The following BST1 variants were observed in gnomAD, a reference collection of about 807,000 sequenced individuals.
The protein encoded by BST1 is bone marrow stromal cell antigen 1.
In BST1, 49 loss-of-function variants were observed where a neutral mutation model predicts 40.6. The ratio of observed to expected loss-of-function variants is 1.21; its 90% CI spans 0.96 to 1.53. The LOEUF (loss-of-function observed/expected upper bound fraction) is 1.53, where lower values mean the gene tolerates loss of function less well. Among genes scored for constraint, BST1 ranks in the 40% most tolerant of loss-of-function variants. BST1 has a pLI of 0.00. For missense variants in BST1, 423 were observed against 395.9 expected, an observed-to-expected ratio of 1.07 and a Z score of -0.58; for synonymous variants, 157 against 159.3, an observed-to-expected ratio of 0.99 and a Z score of 0.11.
At chr4:15,772,767 A>C in the BST1 span, among the ~76,000 whole-genome samples, 1 of 152,244 alleles carries the variant, frequency 6.6e-6, no homozygotes, top group Non-Finnish European at 1.5e-5. Flanking sequence ...ATGAAGGGTC[A>C]GTAGGAGTCA....
At chr4:15,717,183 C>T (rs559676972) in intron 6 of BST1, among the ~76,000 whole-genome samples, 1 of 152,138 alleles carries the variant, frequency 6.6e-6, no homozygotes, top group South Asian at 2.1e-4. Flanking sequence ...GTGAGCCTGG[C>T]CCCGAGTAAG....
downstream of BST1, chr4:15,737,689 C>T (rs1370073986): frequency 5.9e-6 from 5 of 851,842 alleles, no homozygotes; most frequent in Non-Finnish European, 3.4e-6. Flanking sequence ...ACTGAGTTCT[C>T]TTTCCTCTCC....
downstream of BST1, among the ~76,000 whole-genome samples, chr4:15,742,926 G>A (rs1169470729): frequency 6.6e-6 from 1 of 152,260 alleles, no homozygotes; most frequent in Non-Finnish European, 1.5e-5. Flanking sequence ...GGCCTGCCCT[G>A]AGATGGCAAC....
At position 15,731,811 on chromosome 4, in the gene BST1, T is replaced by C; in HGVS notation, c.923T>C (p.Leu308Pro). Residue 308 changes from leucine (L) to proline (P), a missense_variant, in exon 9 of 9, where the codon CTC (leucine) becomes CCC (proline). Physicochemically the swap from Leu to Pro is moderately conservative, Grantham distance 98. Coordinates refer to ENST00000265016, the MANE Select transcript of BST1 (RefSeq NM_004334.3). ...CAAAGGGCGGGTCTTATCATTCCCC[T>C]CTTTCTGGTGCTGGCTTCCAGGACT... Reference protein sequence around the residue: ...TEQRAGLIIPLFLVLASRTQL With the variant: ...TEQRAGLIIPPFLVLASRTQL 6.2e-7 allele frequency: 1 copy of C among 1,613,760 alleles called. No individual in the cohort carries two copies. The highest frequency in any genetic ancestry group is 8.5e-7 in the Non-Finnish European group (1 of 1,179,876).
rs1448479918 is a variant in BST1 at position 15,731,869 on chromosome 4, C to T, written c.*24C>T. ...AACTGGAAACTGTGTTGCTCTAACC[C>T]TCCTCCAGCCCTGCAGCCTCCCCTT... On this transcript the variant is annotated 3_prime_UTR_variant, in exon 9 of 9. Coordinates refer to ENST00000265016, the MANE Select transcript of BST1 (RefSeq NM_004334.3). 5.0e-6 allele frequency: 8 copies of T among 1,603,252 alleles called. No individual in the cohort carries two copies. The highest frequency in any genetic ancestry group is 6.8e-6 in the Non-Finnish European group (8 of 1,174,472).
At chr4:15,730,961 C>T in intron 8 of BST1, 1 of 424,082 alleles carries the variant, frequency 2.4e-6, no homozygotes, top group African/African-American at 2.1e-5. Flanking sequence ...TCAAATGTGC[C>T]TTAATATAGG....
intron 3 of BST1, among the ~76,000 whole-genome samples, chr4:15,709,865 C>T (rs1398001928): frequency 6.6e-6 from 1 of 152,124 alleles, no homozygotes; most frequent in Non-Finnish European, 1.5e-5. Context: ...AACACATATA[C>T]ACAATACATC....
intron 4 of BST1, among the ~76,000 whole-genome samples, chr4:15,712,205 A>G (rs1333389800): frequency 2.0e-5 from 3 of 152,214 alleles, no homozygotes; most frequent in South Asian, 4.1e-4. Flanking sequence ...TTTGATTGCT[A>G]CATAAAATGG....
At chr4:15,705,428 T>C in intron 1 of BST1, 87 bp from the exon 2 acceptor site, 24 of 1,438,762 alleles carry the variant, frequency 1.7e-5, no homozygotes, top group South Asian at 2.8e-5. Context: ...GAAAAATCTC[T>C]TGTAAAGCTC....
At chr4:15,723,986 T>C (rs1172661631) in intron 8 of BST1, among the ~76,000 whole-genome samples, 1 of 152,198 alleles carries the variant, frequency 6.6e-6, no homozygotes. Flanking sequence ...ATCCCTCCAC[T>C]TGAATTCTTT....
downstream of BST1, among the ~76,000 whole-genome samples, chr4:15,739,362 A>G (rs1481060736): frequency 6.6e-6 from 1 of 152,178 alleles, no homozygotes; most frequent in Non-Finnish European, 1.5e-5. Flanking sequence ...TTAGGAATAT[A>G]GTTTTGTTTT....
At position 15,722,862 on chromosome 4, in the gene BST1, T is replaced by C; in HGVS notation, c.792-13T>C. ...ATTTAAATAATCCCTTAAATATTAT[T>C]TTCTTTCTGTAGACCAGTGAAGCTC... On this transcript the variant is annotated splice_polypyrimidine_tract_variant and intron_variant, in intron 7 of 8. Coordinates refer to ENST00000265016, the MANE Select transcript of BST1 (RefSeq NM_004334.3). 1 of 1,610,378 alleles carries C rather than the reference T, an allele frequency of 6.2e-7. No homozygotes were observed. The highest frequency in any genetic ancestry group is 8.5e-7 in the Non-Finnish European group (1 of 1,177,178).
downstream of BST1, among the ~76,000 whole-genome samples, chr4:15,742,913 T>C (rs537931957): frequency 6.6e-6 from 1 of 152,342 alleles, no homozygotes; most frequent in Non-Finnish European, 1.5e-5. Flanking sequence ...CAGGAGGACA[T>C]TGGGCCTGCC....
At chr4:15,710,017 G>A (rs1002972278) in intron 3 of BST1, among the ~76,000 whole-genome samples, 1 of 151,684 alleles carries the variant, frequency 6.6e-6, no homozygotes, top group Non-Finnish European at 1.5e-5. Flanking sequence ...CTGCCACCCG[G>A]GCTGTAATGC....
At chr4:15,725,560 C>A (rs1343097581) in intron 8 of BST1, among the ~76,000 whole-genome samples, 1 of 152,174 alleles carries the variant, frequency 6.6e-6, no homozygotes, top group East Asian at 1.9e-4. Context: ...TTACCTACTA[C>A]CAAGTTCAGA....
chr4:15,726,083 T>A (rs1721093851), intron 8 of BST1, among the ~76,000 whole-genome samples: 1 of 145,102 alleles, frequency 6.9e-6, no homozygotes. Context: ...CACCTCAGCC[T>A]CCCAAACAGC....
rs530454248 is a variant in BST1, at chr4:15,719,107, G to A, written c.791+114G>A. ...AGCTCTGAAGGCCATGGTGTCTTCC[G>A]GGTGGCTTCTCGGTGTGGAGGCAAG... On this transcript the variant is annotated intron_variant, in intron 7 of 8. Transcript: ENST00000265016. The A allele has an allele frequency of 1.0e-4, 95 of 912,548 alleles. 1 individual carries two copies. The highest frequency in any genetic ancestry group is 7.8e-4 in the South Asian group (44 of 56,090). 56.5% of individuals were successfully genotyped at this position (912,548 alleles called of 1,614,324 possible). A position where few individuals can be genotyped will look rare whatever the true frequency, so the allele number is the denominator to read the frequency against.
downstream of BST1, chr4:15,737,668 G>T (rs1232177456): frequency 1.0e-5 from 6 of 572,408 alleles, no homozygotes; most frequent in East Asian, 1.4e-4. Context: ...GACTGGGTGG[G>T]CACATGAAGA....
chr4:15,720,031 T>C (rs1720727006), intron 7 of BST1, among the ~76,000 whole-genome samples: 2 of 152,186 alleles, frequency 1.3e-5, no homozygotes, highest in East Asian at 3.8e-4. Context: ...AGTACACAGG[T>C]GGATGAAGTT....
Sources: gnomAD v4.1 joint callset for allele counts (sites outside exome capture counted in the v4.1 genomes callset) on GRCh38, gnomAD v4.1.1 for gene constraint, MANE v1.5 for transcripts, NCBI Gene and HGNC (gene_info 2026-07-23, HGNC 2026-07-21) for gene names.